The following MYO10 variants were observed in gnomAD, a reference collection of about 807,000 sequenced individuals.
The protein encoded by MYO10 is myosin X.
Under a neutral mutation model 257.3 loss-of-function variants are expected in MYO10, and 133 were observed. The ratio of observed to expected loss-of-function variants is 0.52; its 90% CI spans 0.45 to 0.60. MYO10 has a LOEUF of 0.60. MYO10 is among the 20% of genes least tolerant of loss of function. The probability of loss-of-function intolerance (pLI) is 0.00; values close to 1 mark genes in which losing one functional copy is unlikely to be tolerated. For missense variants in MYO10, 2,399 were observed against 2,635.7 expected (o/e 0.91, Z 1.97); for synonymous variants, 1,104 against 1,028.6 (o/e 1.07, Z -1.40).
At chr5:16,891,061 T>C (rs1745034202) in intron 1 of MYO10, among the ~76,000 whole-genome samples, 1 of 151,650 alleles carries the variant, frequency 6.6e-6, no homozygotes, top group Admixed American at 6.6e-5. Flanking sequence ...TACAGGCGGA[T>C]CACATGAGGT....
At chr5:16,731,603 C>T (rs921796073) in intron 19 of MYO10, among the ~76,000 whole-genome samples, 2 of 152,196 alleles carry the variant, frequency 1.3e-5, no homozygotes, top group Non-Finnish European at 2.9e-5. Context: ...CCCACCTTGG[C>T]CTCCCAAAGT....
At chr5:16,854,905 C>G (rs1176470891) in intron 2 of MYO10, among the ~76,000 whole-genome samples, 1 of 151,922 alleles carries the variant, frequency 6.6e-6, no homozygotes, top group Non-Finnish European at 1.5e-5. Context: ...GCGTGGCGGG[C>G]ACCTGTAATC....
At chr5:16,896,542 G>C (rs539774931) in intron 1 of MYO10, among the ~76,000 whole-genome samples, 1 of 152,084 alleles carries the variant, frequency 6.6e-6, no homozygotes, top group African/African-American at 2.4e-5. Flanking sequence ...GCAGTGAGCC[G>C]AGATCGTGCC....
intron 1 of MYO10, among the ~76,000 whole-genome samples, chr5:16,918,500 C>CTTTTTTTT (rs5866221): frequency 8.5e-5 from 10 of 117,676 alleles, no homozygotes; most frequent in African/African-American, 2.3e-4. Context: ...TTTTTCTTTT[C>CTTTTTTTT]TTTTTTTTTT....
At chr5:16,807,730 T>A (rs905018023) in intron 3 of MYO10, among the ~76,000 whole-genome samples, 3 of 152,154 alleles carry the variant, frequency 2.0e-5, no homozygotes, top group Non-Finnish European at 4.4e-5. Context: ...ATCCTCCTTC[T>A]TGGCCAAATT....
intron 4 of MYO10, among the ~76,000 whole-genome samples, chr5:16,793,574 T>C (rs185236): frequency 0.54 from 82,710 of 151,944 alleles, 22,537 homozygotes; most frequent in South Asian, 0.66. Flanking sequence ...CCACCCTCCT[T>C]GGCCTCCTAA....
chr5:16,879,769 A>G (rs1744706080), intron 1 of MYO10, among the ~76,000 whole-genome samples: 1 of 152,220 alleles, frequency 6.6e-6, no homozygotes, highest in African/African-American at 2.4e-5. Flanking sequence ...GCCTGTTATC[A>G]CACGTAACTA....
chr5:16,794,624 G>T (rs750838571), intron 4 of MYO10, 22 bp downstream of exon 4: 1 of 1,586,966 alleles, frequency 6.3e-7, no homozygotes. Context: ...GGGAAAGTCC[G>T]ACTGGCTGTG....
intron 24 of MYO10, among the ~76,000 whole-genome samples, chr5:16,702,090 G>C (rs1219247371): frequency 6.6e-6 from 1 of 152,166 alleles, no homozygotes; most frequent in Non-Finnish European, 1.5e-5. Flanking sequence ...TGTCCTTTTG[G>C]GAACAGGAGA....
At chr5:16,789,447 G>A (rs1240487416) in intron 4 of MYO10, among the ~76,000 whole-genome samples, 2 of 152,154 alleles carry the variant, frequency 1.3e-5, no homozygotes, top group Non-Finnish European at 2.9e-5. Flanking sequence ...AAAGGTCTTA[G>A]CAAGCCAAAC....
At chr5:16,711,555 G>A (rs557497271) in intron 19 of MYO10, among the ~76,000 whole-genome samples, 53 of 152,182 alleles carry the variant, frequency 3.5e-4, no homozygotes, top group African/African-American at 1.2e-3. Flanking sequence ...AGGCCGAGGC[G>A]GGTGGATCAC....
intron 3 of MYO10, among the ~76,000 whole-genome samples, chr5:16,802,914 G>C (rs1311649596): frequency 1.3e-5 from 2 of 149,688 alleles, no homozygotes; most frequent in Non-Finnish European, 3.0e-5. Flanking sequence ...GACCGGCCTG[G>C]GCAACACAGT....
intron 2 of MYO10, among the ~76,000 whole-genome samples, chr5:16,857,263 T>C (rs1455770073): frequency 1.3e-5 from 2 of 152,182 alleles, no homozygotes; most frequent in African/African-American, 4.8e-5. Context: ...TATTTAAAAC[T>C]AAGCACTCAA....
At chr5:16,827,646 A>T (rs1030477070) in intron 2 of MYO10, among the ~76,000 whole-genome samples, 2 of 152,192 alleles carry the variant, frequency 1.3e-5, no homozygotes, top group Non-Finnish European at 2.9e-5. Flanking sequence ...TGAAGTATAG[A>T]TAACACAAAG....
chr5:16,930,220 T>C (rs1175856141), intron 1 of MYO10, among the ~76,000 whole-genome samples: 2 of 152,136 alleles, frequency 1.3e-5, no homozygotes, highest in Non-Finnish European at 2.9e-5. Flanking sequence ...CACCGTGAAC[T>C]AGACCTGTTA....
At chr5:16,681,648 T>C (rs1315363626) in intron 31 of MYO10, 145 bp from the exon 32 acceptor site, 1 of 1,073,444 alleles carries the variant, frequency 9.3e-7, no homozygotes, top group Non-Finnish European at 1.3e-6. Context: ...CCGATGTAAA[T>C]GGAACGACTA....
chr5:16,835,492 GTTTTTTTTTTTTTT>G (rs1554001242), intron 2 of MYO10, among the ~76,000 whole-genome samples: 2 of 81,060 alleles, frequency 2.5e-5, no homozygotes, highest in Middle Eastern at 0.014. Context: ...ATTTTTGGCT[GTTTTTTTTTTTTTT>G]TTTTTTTTTG....
chr5:16,876,292 C>G (rs1561032670), intron 2 of MYO10, among the ~76,000 whole-genome samples: 1 of 152,100 alleles, frequency 6.6e-6, no homozygotes, highest in African/African-American at 2.4e-5. Flanking sequence ...CTCTTATAAT[C>G]ATCAGAATAT....
chr5:16,753,170 T>TTTTG (rs1237860045), intron 19 of MYO10, among the ~76,000 whole-genome samples: 1 of 152,140 alleles, frequency 6.6e-6, no homozygotes, highest in Non-Finnish European at 1.5e-5. Flanking sequence ...TTGTTGTTGT[T>TTTTG]TTTGTTTGTT....
Sources: allele counts gnomAD v4.1 joint callset (sites outside exome capture counted in the v4.1 genomes callset), GRCh38; gene constraint gnomAD v4.1.1; transcripts MANE v1.5; gene names NCBI Gene and HGNC (gene_info 2026-07-23, HGNC 2026-07-21).